Variants in KLF12 observed in about 807,000 individuals in gnomAD.
KLF12 encodes Krueppel-like factor 12.
KLF12 carries 9 observed loss-of-function variants against 37.8 expected under a neutral mutation model. The ratio of observed to expected loss-of-function variants is 0.24; its 90% confidence interval spans 0.14 to 0.42. The LOEUF (loss-of-function observed/expected upper bound fraction) is 0.42. Among genes scored for constraint, KLF12 ranks in the 10% least tolerant of loss-of-function variants. KLF12 has a pLI of 1.00. For missense variants in KLF12, 411 were observed against 516.0 expected, an observed-to-expected ratio of 0.80 and a Z score of 1.97; for synonymous variants, 208 against 202.1, an observed-to-expected ratio of 1.03 and a Z score of -0.25.
chr13:73,930,285 A>G (rs1889605478), intron 3 of KLF12, among the ~76,000 whole-genome samples: 1 of 152,188 alleles, frequency 6.6e-6, no homozygotes, highest in African/African-American at 2.4e-5. Flanking sequence ...AAACGCAAAT[A>G]TCTATTAAAT....
At chr13:73,843,792 C>T (rs80343351) in intron 4 of KLF12, among the ~76,000 whole-genome samples, 31,354 of 151,968 alleles carry the variant, frequency 0.21, 3,783 homozygotes, top group East Asian at 0.51. Context: ...TTCCTAATGA[C>T]CATAGCACAA....
At chr13:74,165,508 AG>A in the KLF12 span, among the ~76,000 whole-genome samples, 264 of 152,092 alleles carry the variant, frequency 1.7e-3, no homozygotes, top group Non-Finnish European at 3.0e-3. Flanking sequence ...CGTGTTGGCC[AG>A]GCTGGTCTTA....
At chr13:74,053,708 T>G (rs1451915016) in intron 1 of KLF12, among the ~76,000 whole-genome samples, 1 of 152,192 alleles carries the variant, frequency 6.6e-6, no homozygotes, top group Admixed American at 6.5e-5. Flanking sequence ...GTAATAAGTA[T>G]AGAATGAATG....
chr13:73,941,560 A>G (rs557404799), intron 3 of KLF12, among the ~76,000 whole-genome samples: 3 of 152,318 alleles, frequency 2.0e-5, no homozygotes, highest in African/African-American at 4.8e-5. Context: ...CTTATCTAAA[A>G]ATAGTTCTAA....
At chr13:74,244,343 A>G in the KLF12 span, among the ~76,000 whole-genome samples, 2 of 152,202 alleles carry the variant, frequency 1.3e-5, no homozygotes, top group African/African-American at 4.8e-5. Flanking sequence ...TAGTCTACTG[A>G]AGTAAGTCTT....
intron 3 of KLF12, among the ~76,000 whole-genome samples, chr13:73,920,641 A>C (rs1293036620): frequency 6.6e-6 from 1 of 152,008 alleles, no homozygotes; most frequent in Non-Finnish European, 1.5e-5. Context: ...CACCCTTTCA[A>C]AGTTAATTTT....
At chr13:74,000,396 T>C (rs1321630342) in intron 1 of KLF12, among the ~76,000 whole-genome samples, 5 of 150,864 alleles carry the variant, frequency 3.3e-5, no homozygotes, top group African/African-American at 7.4e-5. Context: ...CAACAGCCAA[T>C]GGCAATAGGA....
the KLF12 span, among the ~76,000 whole-genome samples, chr13:74,199,256 G>A: frequency 6.6e-6 from 1 of 152,212 alleles, no homozygotes; most frequent in African/African-American, 2.4e-5. Context: ...GGGAATGCAG[G>A]TGGAGAAGAG....
chr13:73,719,368 A>G (rs1876056234), intron 6 of KLF12, among the ~76,000 whole-genome samples: 1 of 150,852 alleles, frequency 6.6e-6, no homozygotes, highest in African/African-American at 2.4e-5. Flanking sequence ...GTGACAGTCG[A>G]GTTACTGGTA....
the KLF12 span, among the ~76,000 whole-genome samples, chr13:74,294,905 C>G: frequency 1.3e-5 from 2 of 152,172 alleles, no homozygotes; most frequent in Admixed American, 1.3e-4. Context: ...TATTTTATCT[C>G]CTTATTTTTC....
chr13:74,197,134 C>A, the KLF12 span, among the ~76,000 whole-genome samples: 54 of 152,088 alleles, frequency 3.6e-4, no homozygotes, highest in African/African-American at 1.3e-3. Context: ...CAGCAACTTT[C>A]CAGTACATAA....
chr13:73,978,352 G>GA (rs35105376), intron 2 of KLF12, among the ~76,000 whole-genome samples: 17,002 of 152,142 alleles, frequency 0.11, 1,233 homozygotes, highest in Middle Eastern at 0.17. Flanking sequence ...ATAAGCATAT[G>GA]AAAAAAATAT....
chr13:73,836,864 G>T (rs993198134), intron 4 of KLF12, among the ~76,000 whole-genome samples: 1 of 152,104 alleles, frequency 6.6e-6, no homozygotes, highest in Admixed American at 6.5e-5. Context: ...TTTAATCATA[G>T]AAGTATTTCT....
At position 73,686,093 on chromosome 13, in the gene KLF12, G is replaced by T. The variant is rs1380272696; in HGVS notation, c.*9397C>A. The T allele has an allele frequency of 6.5e-6, 1 of 152,676 alleles. No individual in the cohort carries two copies. Among genetic ancestry groups the T allele is most frequent in the East Asian group, 1.9e-4 (1 of 5,184 alleles). 9.5% of individuals were successfully genotyped at this position (152,676 alleles called of 1,614,324 possible). A position where few individuals can be genotyped will look rare whatever the true frequency, so the allele number is the denominator to read the frequency against. Reference sequence around the variant, plus strand: ...GTGTCTGAGTCAGTTAGGGAGTTTTGTTCCATACAAAATGCTTTATTTAAC... The same window carrying T: ...GTGTCTGAGTCAGTTAGGGAGTTTTTTTCCATACAAAATGCTTTATTTAAC... On this transcript the variant is annotated 3_prime_UTR_variant, in exon 8 of 8. Coordinates refer to ENST00000377669, the MANE Select transcript of KLF12 (RefSeq NM_007249.5).
intron 4 of KLF12, among the ~76,000 whole-genome samples, chr13:73,834,265 T>C (rs1211306794): frequency 6.6e-6 from 1 of 152,188 alleles, no homozygotes; most frequent in Non-Finnish European, 1.5e-5. Flanking sequence ...AGTCCTGCTA[T>C]ATCTTTCTCT....
At position 73,939,477 on chromosome 13, in the gene KLF12, C is replaced by T. The variant is rs147732589; in HGVS notation, c.123+4504G>A. ...TCTAATCAGAATTTGAAACATTCTT[C>T]CAGATATCCTTAAATAAAAATTCAA... On this transcript the variant is annotated intron_variant, in intron 3 of 7. Coordinates refer to ENST00000377669, the MANE Select transcript of KLF12 (RefSeq NM_007249.5). Among the ~76,000 whole-genome samples the T allele has an allele frequency of 7.5e-3, 1,135 of 152,106 alleles. 17 individuals are homozygous for T. Among genetic ancestry groups the T allele is most frequent in the African/African-American group, 0.026 (1,062 of 41,498 alleles).
At chr13:74,248,769 T>C in the KLF12 span, among the ~76,000 whole-genome samples, 107 of 152,126 alleles carry the variant, frequency 7.0e-4, no homozygotes, top group African/African-American at 2.4e-3. Flanking sequence ...AAGTGGAGCA[T>C]TGGGTTTAAC....
At chr13:74,244,308 A>C in the KLF12 span, among the ~76,000 whole-genome samples, 1 of 152,196 alleles carries the variant, frequency 6.6e-6, no homozygotes, top group African/African-American at 2.4e-5. Context: ...ATGTTCCACT[A>C]CCTAAAACAT....
At chr13:73,785,274 A>T (rs1881270092) in intron 5 of KLF12, among the ~76,000 whole-genome samples, 1 of 151,760 alleles carries the variant, frequency 6.6e-6, no homozygotes, top group African/African-American at 2.4e-5. Context: ...CCACCACACC[A>T]TGCTAATTTT....
Sources: allele counts gnomAD v4.1 joint callset (sites outside exome capture counted in the v4.1 genomes callset), GRCh38; gene constraint gnomAD v4.1.1; transcripts MANE v1.5; gene names NCBI Gene and HGNC (gene_info 2026-07-23, HGNC 2026-07-21).